ARHGAP44: variants seen among roughly 807,000 people sequenced by gnomAD.
The protein encoded by ARHGAP44 is Rho GTPase activating protein 44, also known as rho GTPase-activating protein 44.
In ARHGAP44, 43 loss-of-function variants were observed where a neutral mutation model predicts 106.8. The ratio of observed to expected loss-of-function variants is 0.40; its 90% confidence interval spans 0.32 to 0.52. The LOEUF is 0.52. ARHGAP44 is among the 20% of genes least tolerant of loss of function. ARHGAP44 has a pLI of 0.48. For missense variants in ARHGAP44, 866 were observed against 1,050.5 expected, an observed-to-expected ratio of 0.82 and a Z score of 2.43; for synonymous variants, 439 against 410.3, an observed-to-expected ratio of 1.07 and a Z score of -0.85.
intron 4 of ARHGAP44, among the ~76,000 whole-genome samples, chr17:12,913,782 A>G (rs1051896146): frequency 1.4e-5 from 2 of 140,312 alleles, no homozygotes; most frequent in African/African-American, 5.0e-5. Context: ...AGCCTGGCCA[A>G]CATGGTGAAA....
intron 1 of ARHGAP44, among the ~76,000 whole-genome samples, chr17:12,869,979 A>T (rs1476567652): frequency 6.6e-6 from 1 of 151,000 alleles, no homozygotes; most frequent in Non-Finnish European, 1.5e-5. Context: ...ACAAACATAG[A>T]CCTTTATAGA....
At position 12,980,099 on chromosome 17, in the gene ARHGAP44, AAGGAAGTCC is replaced by A. The variant is rs773393504; in HGVS notation, c.1809_1817del (p.Pro605_Ser607del). On this transcript the variant is annotated inframe_deletion, in exon 19 of 21. Transcript: ENST00000379672. ...GAACTTTCTCCAGGCTCTGCACAGA[AAGGAAGTCC>A]AGGCTCCAGCCAGGGCACAGCCTGT... is the stretch of plus-strand genomic sequence containing the variant. 6.2e-7 allele frequency: 1 copy of A among 1,613,594 alleles called. No individual in the cohort carries two copies. Among genetic ancestry groups the A allele is most frequent in the South Asian group, 1.1e-5 (1 of 91,078 alleles).
At chr17:12,838,922 G>A (rs1220621274) in intron 1 of ARHGAP44, among the ~76,000 whole-genome samples, 1 of 152,096 alleles carries the variant, frequency 6.6e-6, no homozygotes, top group Non-Finnish European at 1.5e-5. Flanking sequence ...GGCCAGGCTA[G>A]TCTGGAACTC....
intron 1 of ARHGAP44, among the ~76,000 whole-genome samples, chr17:12,865,144 A>G (rs2036198962): frequency 6.6e-6 from 1 of 152,232 alleles, no homozygotes; most frequent in South Asian, 2.1e-4. Context: ...GAAATCCTAG[A>G]ATTTTATGGA....
rs1335310703 is a variant in ARHGAP44 at position 12,789,669 on chromosome 17, G to C, written c.-170G>C. On this transcript the variant is annotated 5_prime_UTR_variant, in exon 1 of 21. Transcript: ENST00000379672. ...AGGCGGCGCGGCGGGAGGAGTAGGC[G>C]GCGGCGCCCTCGGGAGGGAGCTGCG... The C allele has an allele frequency of 2.2e-5, 9 of 413,734 alleles. No homozygotes were observed. Among genetic ancestry groups the C allele is most frequent in the African/African-American group, 6.3e-5 (3 of 47,870 alleles). The allele number at this position is 413,734 out of a possible 1,614,324, so 25.6% of individuals were successfully genotyped here.
In ARHGAP44 at chr17:12,793,073, G is replaced by A. The variant is rs147169024; in HGVS notation, c.53+3182G>A. On this transcript the variant is annotated intron_variant, in intron 1 of 20. Coordinates refer to ENST00000379672, the MANE Select transcript of ARHGAP44 (RefSeq NM_014859.6). ...GGTTAGGAGCACAGGCTTTCCACTG[G>A]GACAGGTTTAGTTTGTTGCTGACTA... Among the ~76,000 whole-genome samples the A allele has an allele frequency of 1.3e-3, 198 of 152,264 alleles. 1 individual carries two copies. The highest frequency in any genetic ancestry group is 4.3e-3 in the African/African-American group (177 of 41,550).
At chr17:12,918,039 G>C (rs911460384) in intron 5 of ARHGAP44, among the ~76,000 whole-genome samples, 1 of 152,178 alleles carries the variant, frequency 6.6e-6, no homozygotes. Context: ...GGATTGACCA[G>C]CTCTCAGCTT....
intron 1 of ARHGAP44, among the ~76,000 whole-genome samples, chr17:12,857,990 A>C (rs2035961336): frequency 6.6e-6 from 1 of 152,042 alleles, no homozygotes; most frequent in African/African-American, 2.4e-5. Context: ...AATCCTGCTC[A>C]TCCCCTTACC....
chr17:12,903,126 G>GGAGAGAGA (rs1555553546), intron 3 of ARHGAP44, among the ~76,000 whole-genome samples: 72 of 70,664 alleles, frequency 1.0e-3, no homozygotes, highest in African/African-American at 3.2e-3. Flanking sequence ...GAGAGAGAGA[G>GGAGAGAGA]GAGAGAGAGA....
At chr17:12,842,141 C>T (rs1307462620) in intron 1 of ARHGAP44, among the ~76,000 whole-genome samples, 1 of 138,096 alleles carries the variant, frequency 7.2e-6, no homozygotes, top group Non-Finnish European at 1.5e-5. Context: ...CACCTGGCCA[C>T]TGGGTTTAAA....
At chr17:12,977,713 C>CT (rs1432219256) in intron 18 of ARHGAP44, among the ~76,000 whole-genome samples, 5 of 152,108 alleles carry the variant, frequency 3.3e-5, no homozygotes, top group Non-Finnish European at 7.4e-5. Flanking sequence ...GAGGACAAGG[C>CT]TAAGTGGGTA....
In ARHGAP44 at chr17:12,974,520, A is replaced by G. The variant is rs541458835; in HGVS notation, c.1763+210A>G. Among the ~76,000 whole-genome samples the G allele has an allele frequency of 6.7e-4, 102 of 152,234 alleles. 1 individual carries two copies. The highest frequency in any genetic ancestry group is 2.4e-3 in the African/African-American group (99 of 41,542). On this transcript the variant is annotated intron_variant, in intron 18 of 20. Coordinates refer to ENST00000379672, the MANE Select transcript of ARHGAP44 (RefSeq NM_014859.6). ...CACACGAAGTCCAGTCTTCCCCAGCATAACATCGCAAGCAAGCAGAAGGTG... is the reference window on the plus strand; with the variant it reads ...CACACGAAGTCCAGTCTTCCCCAGCGTAACATCGCAAGCAAGCAGAAGGTG...
rs776783037 is a variant in ARHGAP44, at chr17:12,908,915, A to T, written c.217A>T (p.Thr73Ser). 2 of 1,605,046 alleles carry T rather than the reference A, an allele frequency of 1.2e-6. No individual in the cohort carries two copies. ...DKRSKKLPLT[T>S]LAQCLMEGSA... ...TTTTCAGAAAAAGTTGCCTTTGACA[A>T]CACTGGCTCAGTGTCTGATGGAGGG... The change falls in exon 4 of 21, where the codon ACA becomes TCA. Residue 73 changes from threonine (T) to serine (S), a missense_variant. Thr to Ser is a moderately conservative substitution (Grantham distance 58). Transcript: ENST00000379672.
At chr17:12,823,359 T>C (rs1238373819) in intron 1 of ARHGAP44, among the ~76,000 whole-genome samples, 1 of 152,162 alleles carries the variant, frequency 6.6e-6, no homozygotes, top group African/African-American at 2.4e-5. Context: ...TCCAGAACGA[T>C]AGTATTTCTT....
At chr17:12,847,915 C>T (rs779908238) in intron 1 of ARHGAP44, among the ~76,000 whole-genome samples, 3 of 152,174 alleles carry the variant, frequency 2.0e-5, no homozygotes, top group Non-Finnish European at 4.4e-5. Context: ...ATTGCTATTG[C>T]TTGTGTTAAT....
In ARHGAP44 at chr17:12,838,453, G is replaced by A. The variant is rs185487791; in HGVS notation, c.53+48562G>A. On this transcript the variant is annotated intron_variant, in intron 1 of 20. Transcript: ENST00000379672. ...GGTCAACTTTCTTTTGCCAGTACCC[G>A]TATTAGCCTCTGACTGACTGATTTT... is the stretch of plus-strand genomic sequence containing the variant. Among the ~76,000 whole-genome samples, 4 of 152,170 alleles carry A rather than the reference G, an allele frequency of 2.6e-5. No homozygotes were observed. The East Asian group carries it at 5.8e-4, about 22-fold the overall frequency.
intron 1 of ARHGAP44, among the ~76,000 whole-genome samples, chr17:12,819,125 G>A (rs1167505532): frequency 1.3e-5 from 2 of 152,040 alleles, no homozygotes; most frequent in South Asian, 2.1e-4. Flanking sequence ...ACACAAATAC[G>A]ATCAATTGAT....
rs16946852 is a variant in ARHGAP44, at chr17:12,922,422, C to T, written c.464+2591C>T. Among the ~76,000 whole-genome samples the T allele has an allele frequency of 2.0e-5, 3 of 152,178 alleles. No homozygotes were observed. The East Asian group carries it at 5.8e-4, about 29-fold the overall frequency. On this transcript the variant is annotated intron_variant, in intron 6 of 20. Coordinates refer to ENST00000379672, the MANE Select transcript of ARHGAP44 (RefSeq NM_014859.6). Reference sequence around the variant, plus strand: ...ATCCCATAATATGAGTGTTCAAGTACCCTATTTTGGGAGTCATGTAAGATG... The same window carrying T: ...ATCCCATAATATGAGTGTTCAAGTATCCTATTTTGGGAGTCATGTAAGATG...
At chr17:12,911,661 A>T (rs1350742457) in intron 4 of ARHGAP44, among the ~76,000 whole-genome samples, 4 of 152,202 alleles carry the variant, frequency 2.6e-5, no homozygotes, top group Non-Finnish European at 1.5e-5. Flanking sequence ...GGAACCTGTC[A>T]TCCCCCGACT....
Sources: gnomAD v4.1 joint callset for allele counts (sites outside exome capture counted in the v4.1 genomes callset) on GRCh38, gnomAD v4.1.1 for gene constraint, MANE v1.5 for transcripts, NCBI Gene and HGNC (gene_info 2026-07-23, HGNC 2026-07-21) for gene names.